Variants in CTNND2 observed in about 807,000 individuals in gnomAD.
CTNND2 encodes the protein catenin delta 2.
In CTNND2, 22 loss-of-function variants were observed where a neutral mutation model predicts 144.4. The observed-to-expected ratio is 0.15, with a 90% CI of 0.11 to 0.22. The LOEUF is 0.22. Among genes scored for constraint, CTNND2 ranks in the 10% least tolerant of loss-of-function variants. The pLI is 1.00. For missense variants in CTNND2, 1,353 were observed against 1,618.8 expected, an observed-to-expected ratio of 0.84 and a Z score of 2.82; for synonymous variants, 751 against 695.6, an observed-to-expected ratio of 1.08 and a Z score of -1.25.
chr5:11,733,039 C>A (rs1350650235), intron 1 of CTNND2, among the ~76,000 whole-genome samples: 1 of 152,152 alleles, frequency 6.6e-6, no homozygotes, highest in African/African-American at 2.4e-5. Flanking sequence ...GGAAGCTCTG[C>A]ACCTCTTCCC....
intron 18 of CTNND2, among the ~76,000 whole-genome samples, chr5:10,996,002 C>T (rs80283314): frequency 2.0e-4 from 31 of 152,022 alleles, no homozygotes; most frequent in South Asian, 1.7e-3. Context: ...AGGAAGGGGA[C>T]GGGGATGTGG....
intron 8 of CTNND2, among the ~76,000 whole-genome samples, chr5:11,357,759 T>C (rs1436604540): frequency 1.3e-5 from 2 of 152,196 alleles, no homozygotes. Context: ...GGATCATTAG[T>C]ATACAGCATA....
At chr5:11,361,662 A>C (rs1756469666) in intron 8 of CTNND2, among the ~76,000 whole-genome samples, 2 of 152,248 alleles carry the variant, frequency 1.3e-5, no homozygotes, top group East Asian at 3.9e-4. Context: ...ATGCTTCCCC[A>C]CCAAAGGGGA....
intron 15 of CTNND2, among the ~76,000 whole-genome samples, chr5:11,089,146 G>A (rs1279902942): frequency 1.3e-5 from 2 of 152,212 alleles, no homozygotes; most frequent in Admixed American, 1.3e-4. Flanking sequence ...AATTCGTGGA[G>A]GGGAACTTCT....
At chr5:11,512,552 GAA>G (rs1345369172) in intron 3 of CTNND2, among the ~76,000 whole-genome samples, 2 of 152,220 alleles carry the variant, frequency 1.3e-5, no homozygotes, top group Non-Finnish European at 2.9e-5. Flanking sequence ...TACATGGACT[GAA>G]AGTCACCACC....
intron 2 of CTNND2, among the ~76,000 whole-genome samples, chr5:11,652,935 T>C (rs890428207): frequency 1.3e-5 from 2 of 152,182 alleles, no homozygotes; most frequent in Admixed American, 6.6e-5. Flanking sequence ...GTCCAATTTC[T>C]TTAAATTACA....
chr5:11,654,771 G>T (rs1029108866), intron 2 of CTNND2, among the ~76,000 whole-genome samples: 1 of 151,832 alleles, frequency 6.6e-6, no homozygotes, highest in Non-Finnish European at 1.5e-5. Context: ...AGGACTTCTA[G>T]CCCTCTATGC....
chr5:11,335,650 G>A (rs39610), intron 9 of CTNND2, among the ~76,000 whole-genome samples: 32,229 of 151,978 alleles, frequency 0.21, 3,758 homozygotes, highest in South Asian at 0.29. Flanking sequence ...AGGGTCTGGC[G>A]GCGGGGAACC....
intron 2 of CTNND2, among the ~76,000 whole-genome samples, chr5:11,654,199 T>C (rs1016508969): frequency 2.6e-5 from 4 of 152,118 alleles, no homozygotes; most frequent in African/African-American, 9.6e-5. Flanking sequence ...TTTGTTCTTT[T>C]GCTCAAGATT....
At chr5:10,999,301 C>T (rs886181654) in intron 18 of CTNND2, among the ~76,000 whole-genome samples, 7 of 152,130 alleles carry the variant, frequency 4.6e-5, no homozygotes, top group African/African-American at 1.2e-4. Flanking sequence ...ATATACAACT[C>T]GGGCACATAT....
Position 11,159,559 on chromosome 5 carries a change from C to T in CTNND2, c.2159+17G>A, listed in dbSNP as rs753286068. On this transcript the variant is annotated intron_variant, in intron 12 of 21. Coordinates refer to ENST00000304623, the MANE Select transcript of CTNND2 (RefSeq NM_001332.4). ...GGGGAAGATGGTGGGAGGAGGCACT[C>T]GTGACACAGGACTGACCTTAGGCAC... 6.3e-7 allele frequency: 1 copy of T among 1,580,736 alleles called. No individual in the cohort carries two copies. Among genetic ancestry groups the T allele is most frequent in the Non-Finnish European group, 8.6e-7 (1 of 1,161,746 alleles).
intron 3 of CTNND2, among the ~76,000 whole-genome samples, chr5:11,544,263 T>C (rs1260715845): frequency 1.3e-5 from 2 of 152,012 alleles, no homozygotes; most frequent in East Asian, 3.9e-4. Flanking sequence ...CAAGACAGAT[T>C]TGAATAAGAA....
At chr5:10,986,223 T>C (rs776553088) in intron 20 of CTNND2, among the ~76,000 whole-genome samples, 1 of 152,204 alleles carries the variant, frequency 6.6e-6, no homozygotes, top group Non-Finnish European at 1.5e-5. Context: ...AGAAACATAG[T>C]AAATTTTATG....
chr5:11,202,935 G>A (rs1371221563), intron 10 of CTNND2, among the ~76,000 whole-genome samples: 2 of 152,114 alleles, frequency 1.3e-5, no homozygotes, highest in Admixed American at 6.6e-5. Flanking sequence ...CTCCCGAGTA[G>A]CTGGGATTAC....
At chr5:11,193,534 T>C (rs1270934935) in intron 11 of CTNND2, among the ~76,000 whole-genome samples, 1 of 152,202 alleles carries the variant, frequency 6.6e-6, no homozygotes, top group African/African-American at 2.4e-5. Flanking sequence ...AAACTGGACT[T>C]AATTTTAAAT....
intron 3 of CTNND2, among the ~76,000 whole-genome samples, chr5:11,442,779 T>TTA (rs1282495575): frequency 6.8e-6 from 1 of 147,632 alleles, no homozygotes; most frequent in Non-Finnish European, 1.5e-5. Context: ...ATTGCAATCA[T>TTA]TATATATATA....
chr5:11,678,343 C>T (rs1479721296), intron 2 of CTNND2, among the ~76,000 whole-genome samples: 5 of 152,246 alleles, frequency 3.3e-5, no homozygotes, highest in Non-Finnish European at 7.4e-5. Context: ...GCAGTGACTT[C>T]AGAACCCCTG....
chr5:11,661,302 G>A (rs574841968), intron 2 of CTNND2, among the ~76,000 whole-genome samples: 2 of 152,280 alleles, frequency 1.3e-5, no homozygotes, highest in East Asian at 3.9e-4. Context: ...GTCATTTCAA[G>A]AGATATGTAG....
chr5:11,304,027 G>T (rs951803355), intron 9 of CTNND2, among the ~76,000 whole-genome samples: 1 of 152,084 alleles, frequency 6.6e-6, no homozygotes, highest in Non-Finnish European at 1.5e-5. Context: ...CATGTAAGAG[G>T]TGGCTTTCAC....
Sources: allele counts gnomAD v4.1 joint callset (sites outside exome capture counted in the v4.1 genomes callset), GRCh38; gene constraint gnomAD v4.1.1; transcripts MANE v1.5; gene names NCBI Gene and HGNC (gene_info 2026-07-23, HGNC 2026-07-21).